Variants in USP33 observed in about 807,000 individuals in gnomAD.
USP33 encodes ubiquitin carboxyl-terminal hydrolase 33.
USP33 carries 46 observed loss-of-function variants against 124.2 expected under a neutral mutation model. That is an observed-to-expected ratio of 0.37 (90% CI 0.29 to 0.47). USP33 has a LOEUF of 0.47. Among genes scored for constraint, USP33 ranks in the 20% least tolerant of loss-of-function variants. USP33 has a pLI of 0.99. For missense variants in USP33, 851 were observed against 1,070.6 expected (o/e 0.79, Z 2.86); for synonymous variants, 350 against 352.3 (o/e 0.99, Z 0.07).
chr1:77,712,126 A>T (rs1675332395), intron 20 of USP33, among the ~76,000 whole-genome samples: 1 of 152,252 alleles, frequency 6.6e-6, no homozygotes, highest in Non-Finnish European at 1.5e-5. Flanking sequence ...AAGTGGTTTC[A>T]AAAAGTATCA....
intron 1 of USP33, among the ~76,000 whole-genome samples, chr1:77,747,240 CTTTTTTTTT>C (rs752560478): frequency 9.6e-6 from 1 of 103,874 alleles, no homozygotes; most frequent in African/African-American, 3.6e-5. Context: ...GGCTTCTGGG[CTTTTTTTTT>C]TTTTTTTTTT....
chr1:77,716,067 T>A (rs1463314823), intron 17 of USP33, among the ~76,000 whole-genome samples, 199 bp from the exon 18 acceptor site: 5 of 152,188 alleles, frequency 3.3e-5, no homozygotes, highest in African/African-American at 1.2e-4. Context: ...TAAATTTTTT[T>A]ATTTTTTAAT....
Position 77,739,254 on chromosome 1 carries a change from T to C in USP33, c.351+11A>G. On this transcript the variant is annotated intron_variant, in intron 5 of 23. Transcript: ENST00000370794. ...GTTTTACAGCTTAACTAAGTGGATC[T>C]AGATTATTACCTGGACACTGTTTTC... 1 of 1,602,774 alleles carries C rather than the reference T, an allele frequency of 6.2e-7. No individual in the cohort carries two copies. Among genetic ancestry groups the C allele is most frequent in the Admixed American group, 1.8e-5 (1 of 56,920 alleles).
chr1:77,722,149 AG>A lies in USP33; in HGVS notation c.1436del (p.Pro479LeufsTer18). The A allele has an allele frequency of 6.2e-7, 1 of 1,613,990 alleles. No individual in the cohort carries two copies. The highest frequency in any genetic ancestry group is 8.5e-7 in the Non-Finnish European group (1 of 1,179,912). ...ETFQDLSLPI[P>X]GKEDLAKLHS... ...GCAGCTTAGCAAGGTCTTCCTTGCCAGGAATTGGCAAGGACAGATCTTGAAA... is the reference window on the plus strand; with the variant it reads ...GCAGCTTAGCAAGGTCTTCCTTGCCAGAATTGGCAAGGACAGATCTTGAAA... On this transcript the variant is annotated frameshift_variant, in exon 13 of 24. Transcript: ENST00000370794. LOFTEE classifies it high-confidence loss of function.
chr1:77,709,880 C>CAT (rs1043308238), intron 21 of USP33, among the ~76,000 whole-genome samples: 2 of 125,402 alleles, frequency 1.6e-5, no homozygotes, highest in Admixed American at 7.7e-5. Context: ...CATGCATACA[C>CAT]ATACACACAC....
At chr1:77,747,577 T>G (rs1250402912) in intron 1 of USP33, among the ~76,000 whole-genome samples, 2 of 152,194 alleles carry the variant, frequency 1.3e-5, no homozygotes, top group African/African-American at 4.8e-5. Context: ...TCTATTCCAT[T>G]GGTCAATATG....
rs758235934 is a variant in USP33, at chr1:77,736,175, G to C, written c.352-17C>G. 2.3e-5 allele frequency: 36 copies of C among 1,542,142 alleles called. No individual in the cohort carries two copies. The East Asian group carries it at 8.1e-4, about 35-fold the overall frequency. The stretch of plus-strand genomic sequence containing the variant: ...TTTAAAATCCTTGATAACAAAAAAA[G>C]ATAGCACACTTGAACAAATCCTTAA... On this transcript the variant is annotated splice_polypyrimidine_tract_variant and intron_variant, in intron 5 of 23. Transcript: ENST00000370794.
intron 21 of USP33, among the ~76,000 whole-genome samples, chr1:77,710,731 C>T (rs78582664): frequency 0.012 from 1,877 of 152,250 alleles, 33 homozygotes; most frequent in African/African-American, 0.044. Context: ...ATATCTTCTC[C>T]ACTGCTTTTA....
intron 21 of USP33, among the ~76,000 whole-genome samples, chr1:77,708,823 T>C (rs1050894118): frequency 2.6e-5 from 4 of 152,140 alleles, no homozygotes; most frequent in African/African-American, 7.2e-5. Context: ...TTGTATACTA[T>C]TCTGGCACAT....
chr1:77,730,310 A>C (rs529917061), intron 8 of USP33, among the ~76,000 whole-genome samples: 1 of 152,320 alleles, frequency 6.6e-6, no homozygotes, highest in South Asian at 2.1e-4. Context: ...TTAGGGTCTG[A>C]TTTTATCATT....
chr1:77,719,260 G>A (rs1056085510), intron 15 of USP33, among the ~76,000 whole-genome samples: 3 of 152,196 alleles, frequency 2.0e-5, no homozygotes, highest in African/African-American at 4.8e-5. Context: ...TCATGAGGCT[G>A]AGGCAGAGGA....
intron 21 of USP33, among the ~76,000 whole-genome samples, chr1:77,707,445 G>A (rs1439063612): frequency 3.9e-5 from 6 of 152,108 alleles, no homozygotes; most frequent in African/African-American, 1.4e-4. Context: ...GGCCCATTCA[G>A]ACAACTGAGG....
chr1:77,752,466 T>A (rs895570087), intron 1 of USP33, among the ~76,000 whole-genome samples: 1 of 152,148 alleles, frequency 6.6e-6, no homozygotes, highest in Non-Finnish European at 1.5e-5. Flanking sequence ...CATCAGGACA[T>A]AGTTGGTAAC....
intron 1 of USP33, among the ~76,000 whole-genome samples, chr1:77,753,978 C>A (rs1680577201): frequency 6.6e-6 from 1 of 152,120 alleles, no homozygotes; most frequent in African/African-American, 2.4e-5. Context: ...ACTTGATACA[C>A]ATGTTCCAAT....
chr1:77,704,627 T>A (rs1374825377), intron 21 of USP33, among the ~76,000 whole-genome samples: 1 of 152,216 alleles, frequency 6.6e-6, no homozygotes, highest in Admixed American at 6.5e-5. Context: ...AGAAAAACAA[T>A]GGATCCTATA....
chr1:77,701,387 C>A lies in USP33; in HGVS notation c.2491G>T (p.Val831Leu). ...MQWFREWESFVKGKDGDPPGP... is the reference protein window; with the variant it reads ...MQWFREWESFLKGKDGDPPGP... ...CACTTACCTCCATCTTTACCCTTCA[C>A]AAAACTTTCCCATTCTCTAAACCAC... The change falls in exon 22 of 24, where the codon GTG becomes TTG. Residue 831 changes from valine (V) to leucine (L), a missense_variant. Val to Leu is a conservative substitution (Grantham distance 32). This residue lies in a region of USP33 where 142 missense variants were observed against 141.8 expected (regional missense o/e 1.00). Coordinates refer to ENST00000370794, the MANE Select transcript of USP33 (RefSeq NM_201624.3). 5 of 1,610,358 alleles carry A rather than the reference C, an allele frequency of 3.1e-6. No individual in the cohort carries two copies. The highest frequency in any genetic ancestry group is 1.3e-5 in the African/African-American group (1 of 74,774).
intron 11 of USP33, among the ~76,000 whole-genome samples, chr1:77,723,733 G>A (rs773987230): frequency 4.0e-5 from 6 of 151,730 alleles, no homozygotes; most frequent in Non-Finnish European, 7.4e-5. Context: ...GTGCGATCTC[G>A]GCTCACTGCC....
intron 3 of USP33, among the ~76,000 whole-genome samples, 197 bp downstream of exon 3, chr1:77,741,177 AGT>A (rs1679076402): frequency 6.6e-6 from 1 of 152,212 alleles, no homozygotes; most frequent in African/African-American, 2.4e-5. Flanking sequence ...AAAATAGCTG[AGT>A]GATTTACTAA....
intron 1 of USP33, among the ~76,000 whole-genome samples, chr1:77,743,950 C>T (rs1231603077): frequency 1.3e-5 from 2 of 151,930 alleles, no homozygotes; most frequent in East Asian, 1.9e-4. Flanking sequence ...CCAAGGGAAC[C>T]CCATCTCTAC....
Sources: gnomAD v4.1 joint callset for allele counts (sites outside exome capture counted in the v4.1 genomes callset) on GRCh38, gnomAD v4.1.1 for gene constraint, gnomAD v4.1.1 regional missense constraint, MANE v1.5 for transcripts, NCBI Gene and HGNC (gene_info 2026-07-23, HGNC 2026-07-21) for gene names.